ADCY2: variants seen among roughly 807,000 people sequenced by gnomAD.
ADCY2 encodes the protein adenylate cyclase type 2.
A neutral mutation model predicts 125.2 loss-of-function variants in ADCY2; 31 were observed. The observed-to-expected ratio is 0.25, with a 90% CI of 0.19 to 0.33. The LOEUF (loss-of-function observed/expected upper bound fraction) is 0.33. Ranked by LOEUF, ADCY2 falls within the 10% of genes least tolerant of loss-of-function variation. The pLI is 1.00. For missense variants in ADCY2, 904 were observed against 1,418.2 expected (o/e 0.64, Z 5.82); for synonymous variants, 512 against 548.4 (o/e 0.93, Z 0.93).
chr5:7,504,270 A>C (rs1743714693), intron 2 of ADCY2, among the ~76,000 whole-genome samples: 1 of 152,228 alleles, frequency 6.6e-6, no homozygotes, highest in African/African-American at 2.4e-5. Context: ...GAAAAAGATA[A>C]ATAAATAAAA....
chr5:7,517,287 G>T (rs1204693006), intron 2 of ADCY2, among the ~76,000 whole-genome samples: 7 of 152,184 alleles, frequency 4.6e-5, no homozygotes, highest in Admixed American at 4.6e-4. Flanking sequence ...CTGGACAGAG[G>T]TACATCTAAG....
At chr5:7,684,866 A>G (rs922869024) in intron 4 of ADCY2, among the ~76,000 whole-genome samples, 5 of 151,944 alleles carry the variant, frequency 3.3e-5, no homozygotes, top group African/African-American at 9.7e-5. Flanking sequence ...TATGCATGCA[A>G]GGAAAGCACT....
intron 22 of ADCY2, 126 bp downstream of exon 22, chr5:7,804,818 C>A: frequency 1.5e-6 from 1 of 683,974 alleles, no homozygotes; most frequent in South Asian, 1.8e-5. Flanking sequence ...AGCTCAGGGT[C>A]AAGGTCCTAT....
At chr5:7,495,637 T>C (rs754526038) in intron 2 of ADCY2, among the ~76,000 whole-genome samples, 2 of 151,614 alleles carry the variant, frequency 1.3e-5, no homozygotes, top group Non-Finnish European at 2.9e-5. Context: ...AAAAGTTGCT[T>C]CTTAAATAGT....
intron 17 of ADCY2, among the ~76,000 whole-genome samples, chr5:7,769,144 C>T (rs1440576544): frequency 3.9e-5 from 6 of 152,242 alleles, no homozygotes; most frequent in Middle Eastern, 3.4e-3. Flanking sequence ...AAGCACAAGA[C>T]AGACACACTT....
chr5:7,806,203 T>G (rs978867739), intron 22 of ADCY2, among the ~76,000 whole-genome samples: 1 of 152,206 alleles, frequency 6.6e-6, no homozygotes, highest in Non-Finnish European at 1.5e-5. Context: ...ATTTTAAATA[T>G]TCTATTTATA....
intron 16 of ADCY2, among the ~76,000 whole-genome samples, chr5:7,762,149 C>T (rs1743242467): frequency 6.6e-6 from 1 of 152,206 alleles, no homozygotes; most frequent in Admixed American, 6.5e-5. Context: ...TGCTCAAGCA[C>T]TGAATTCCTC....
intron 2 of ADCY2, among the ~76,000 whole-genome samples, chr5:7,426,329 T>C (rs367928849): frequency 5.9e-5 from 9 of 152,350 alleles, no homozygotes; most frequent in African/African-American, 2.2e-4. Flanking sequence ...GGGTAATTTA[T>C]AAATAATAGA....
chr5:7,665,828 CTTTTTTTTTTT>C (rs70940750), intron 4 of ADCY2, among the ~76,000 whole-genome samples: 9 of 38,628 alleles, frequency 2.3e-4, no homozygotes, highest in South Asian at 1.6e-3. Context: ...TAATTTAATT[CTTTTTTTTTTT>C]TTTTTTTTTT....
chr5:7,589,386 A>G (rs1037495282), intron 3 of ADCY2, among the ~76,000 whole-genome samples: 1 of 150,474 alleles, frequency 6.6e-6, no homozygotes, highest in Non-Finnish European at 1.5e-5. Flanking sequence ...TGGCAAAAAA[A>G]AAGAAAGAAA....
chr5:7,770,810 T>C (rs1743531181), intron 17 of ADCY2, among the ~76,000 whole-genome samples: 1 of 152,176 alleles, frequency 6.6e-6, no homozygotes, highest in Non-Finnish European at 1.5e-5. Context: ...TAAGGGCTTC[T>C]CAAACTCTTT....
intron 19 of ADCY2, among the ~76,000 whole-genome samples, chr5:7,789,320 A>G (rs909525698): frequency 6.6e-6 from 1 of 152,208 alleles, no homozygotes; most frequent in African/African-American, 2.4e-5. Flanking sequence ...ATATTCTACA[A>G]TTGCCTCTTT....
At chr5:7,506,091 T>C (rs1287938903) in intron 2 of ADCY2, among the ~76,000 whole-genome samples, 1 of 152,188 alleles carries the variant, frequency 6.6e-6, no homozygotes, top group Non-Finnish European at 1.5e-5. Context: ...TGATCACTTA[T>C]TTTCCAAATT....
intron 2 of ADCY2, among the ~76,000 whole-genome samples, chr5:7,471,117 A>G (rs1369799085): frequency 6.6e-6 from 1 of 151,766 alleles, no homozygotes; most frequent in African/African-American, 2.4e-5. Context: ...CTTTTTTAAA[A>G]TTTTTTAACT....
chr5:7,690,684 T>C lies in ADCY2; in HGVS notation c.721-7T>C. On this transcript the variant is annotated splice_region_variant and splice_polypyrimidine_tract_variant and intron_variant, in intron 4 of 24. Transcript: ENST00000338316. ...GACATTTGTTCCTCCTTCCCCACCTTGTCCAGGAGCGGCTTCTGCTCTCCC... is the reference window on the plus strand; with the variant it reads ...GACATTTGTTCCTCCTTCCCCACCTCGTCCAGGAGCGGCTTCTGCTCTCCC... 6.4e-7 allele frequency: 1 copy of C among 1,559,572 alleles called. No homozygotes were observed. The highest frequency in any genetic ancestry group is 8.6e-7 in the Non-Finnish European group (1 of 1,156,474).
At chr5:7,754,201 G>T (rs1261135147) in intron 15 of ADCY2, among the ~76,000 whole-genome samples, 1 of 152,126 alleles carries the variant, frequency 6.6e-6, no homozygotes, top group African/African-American at 2.4e-5. Flanking sequence ...TAAGTTACTA[G>T]CCTATGAGCA....
chr5:7,777,436 G>A (rs938274474), intron 18 of ADCY2, among the ~76,000 whole-genome samples: 8 of 152,320 alleles, frequency 5.3e-5, no homozygotes, highest in Admixed American at 5.2e-4. Flanking sequence ...CTCGAACAAT[G>A]GGAAGAGCCT....
intron 2 of ADCY2, among the ~76,000 whole-genome samples, chr5:7,444,882 G>A (rs1741178200): frequency 6.6e-6 from 1 of 152,148 alleles, no homozygotes; most frequent in South Asian, 2.1e-4. Context: ...CTTTTCATGT[G>A]TCCAAAGGAC....
chr5:7,440,513 C>T (rs993827566), intron 2 of ADCY2, among the ~76,000 whole-genome samples: 4 of 152,130 alleles, frequency 2.6e-5, no homozygotes, highest in African/African-American at 9.7e-5. Context: ...TTATCCTGAA[C>T]ATTTTGAGTC....
Sources: gnomAD v4.1 joint callset for allele counts (sites outside exome capture counted in the v4.1 genomes callset) on GRCh38, gnomAD v4.1.1 for gene constraint, MANE v1.5 for transcripts, NCBI Gene and HGNC (gene_info 2026-07-23, HGNC 2026-07-21) for gene names.